Variants in VPS50 observed in about 807,000 individuals in gnomAD.
The protein encoded by VPS50 is VPS50 subunit of EARP/GARPII complex.
In VPS50, 70 loss-of-function variants were observed where a neutral mutation model predicts 139.7. That is an observed-to-expected ratio of 0.50 (90% CI 0.41 to 0.61). The LOEUF is 0.61. Ranked by LOEUF, VPS50 falls within the 20% of genes least tolerant of loss-of-function variation. The pLI is 0.00. For synonymous variants in VPS50, 365 were observed against 376.7 expected, an observed-to-expected ratio of 0.97 and a Z score of 0.36; for missense variants, 921 against 1,133.7, an observed-to-expected ratio of 0.81 and a Z score of 2.69.
rs1330809232 is a variant in VPS50, at chr7:93,232,426, T to A, written c.-42T>A. 6.3e-7 allele frequency: 1 copy of A among 1,577,464 alleles called. No individual in the cohort carries two copies. Among genetic ancestry groups the A allele is most frequent in the Admixed American group, 1.7e-5 (1 of 59,630 alleles). On this transcript the variant is annotated 5_prime_UTR_variant, in exon 1 of 28. Transcript: ENST00000305866. ...AGCTGTGTAGTGGCTCGGTGTGATTTGTTAGCTCTTTGAGGCAGGGTACCC... is the reference window on the plus strand; with the variant it reads ...AGCTGTGTAGTGGCTCGGTGTGATTAGTTAGCTCTTTGAGGCAGGGTACCC...
rs770557312 is a variant in VPS50, at chr7:93,232,417, G to A, written c.-51G>A. The A allele has an allele frequency of 6.6e-7, 1 of 1,504,622 alleles. No individual in the cohort carries two copies. The highest frequency in any genetic ancestry group is 2.3e-5 in the East Asian group (1 of 42,816). The allele number at this position is 1,504,622 out of a possible 1,614,324, so 93.2% of individuals were successfully genotyped here. On this transcript the variant is annotated 5_prime_UTR_variant, in exon 1 of 28. Transcript: ENST00000305866. ...GTCAGGGCCAGCTGTGTAGTGGCTC[G>A]GTGTGATTTGTTAGCTCTTTGAGGC...
intron 11 of VPS50, among the ~76,000 whole-genome samples, chr7:93,274,626 A>G (rs1008978037): frequency 1.3e-5 from 2 of 152,182 alleles, no homozygotes; most frequent in East Asian, 3.8e-4. Flanking sequence ...ATACAAGAAG[A>G]TGAATGTTGT....
intron 25 of VPS50, 133 bp from the exon 26 acceptor site, chr7:93,353,507 G>A (rs1487080937): frequency 1.1e-6 from 1 of 942,954 alleles, no homozygotes; most frequent in African/African-American, 1.7e-5. Context: ...AATTATCTTT[G>A]GCATTATCTT....
At chr7:93,306,951 T>A (rs548083457) in intron 18 of VPS50, among the ~76,000 whole-genome samples, 6 of 152,032 alleles carry the variant, frequency 3.9e-5, no homozygotes, top group African/African-American at 1.4e-4. Flanking sequence ...GATTCAGTGA[T>A]TCTTTGTGAC....
intron 16 of VPS50, among the ~76,000 whole-genome samples, chr7:93,302,513 T>C (rs1797006662): frequency 6.6e-6 from 1 of 152,068 alleles, no homozygotes; most frequent in Non-Finnish European, 1.5e-5. Context: ...TTTGATTCTT[T>C]TATTGTTTTT....
intron 16 of VPS50, among the ~76,000 whole-genome samples, chr7:93,300,824 T>C (rs1030993503): frequency 2.6e-5 from 4 of 151,778 alleles, no homozygotes; most frequent in African/African-American, 9.7e-5. Context: ...AGTAAAAATA[T>C]ATATGATTGA....
At chr7:93,356,872 C>T (rs925624644) in intron 27 of VPS50, among the ~76,000 whole-genome samples, 2 of 152,062 alleles carry the variant, frequency 1.3e-5, no homozygotes, top group African/African-American at 2.4e-5. Context: ...TTTGTATATA[C>T]CTGCTCAGAC....
chr7:93,313,028 A>G (rs776358376), intron 20 of VPS50, among the ~76,000 whole-genome samples: 1 of 152,174 alleles, frequency 6.6e-6, no homozygotes, highest in Non-Finnish European at 1.5e-5. Context: ...CGTGATACGC[A>G]TTGTCTCCTG....
At chr7:93,320,327 T>C (rs1797568750) in intron 20 of VPS50, 1 of 151,808 alleles carries the variant, frequency 6.6e-6, no homozygotes, top group Non-Finnish European at 1.5e-5. Flanking sequence ...CCCGTCTTTT[T>C]TTTTTTTCAG....
chr7:93,299,131 A>C (rs1796900149), intron 16 of VPS50, among the ~76,000 whole-genome samples: 1 of 152,190 alleles, frequency 6.6e-6, no homozygotes, highest in Non-Finnish European at 1.5e-5. Flanking sequence ...AAGGTAGTCT[A>C]GTTTCTATCC....
At chr7:93,314,262 A>G (rs1455621780) in intron 20 of VPS50, among the ~76,000 whole-genome samples, 1 of 152,222 alleles carries the variant, frequency 6.6e-6, no homozygotes, top group Non-Finnish European at 1.5e-5. Flanking sequence ...AAACCATATT[A>G]GAACATTAAA....
At chr7:93,323,538 T>A in intron 20 of VPS50, 73 bp from the exon 21 acceptor site, 1 of 505,816 alleles carries the variant, frequency 2.0e-6, no homozygotes, top group African/African-American at 2.0e-5. Context: ...ATAATTTTAT[T>A]TTCTTTTTAT....
chr7:93,323,057 C>G (rs1797664521), intron 20 of VPS50, among the ~76,000 whole-genome samples: 1 of 152,208 alleles, frequency 6.6e-6, no homozygotes, highest in Non-Finnish European at 1.5e-5. Flanking sequence ...TTCTTGGCCT[C>G]TGACCCAAGA....
At chr7:93,336,394 T>G (rs994250214) in intron 22 of VPS50, among the ~76,000 whole-genome samples, 3 of 152,222 alleles carry the variant, frequency 2.0e-5, no homozygotes, top group Admixed American at 1.3e-4. Context: ...AGAAAAGTTG[T>G]CTAATAGGAA....
chr7:93,263,945 A>G (rs1016680468), intron 9 of VPS50, among the ~76,000 whole-genome samples: 6 of 152,346 alleles, frequency 3.9e-5, no homozygotes, highest in Non-Finnish European at 8.8e-5. Flanking sequence ...GTTTACATAC[A>G]TTTGCATTGT....
intron 6 of VPS50, 151 bp from the exon 7 acceptor site, chr7:93,258,007 TG>T (rs1175380897): frequency 1.8e-6 from 1 of 556,628 alleles, no homozygotes; most frequent in African/African-American, 1.9e-5. Context: ...TGGTTTAGAC[TG>T]GCCATTGAGT....
At chr7:93,356,522 C>G (rs1798711394) in intron 27 of VPS50, among the ~76,000 whole-genome samples, 3 of 152,198 alleles carry the variant, frequency 2.0e-5, no homozygotes, top group South Asian at 2.1e-4. Context: ...ATCCTACACA[C>G]TGACACGTAT....
chr7:93,308,800 T>G (rs1433948587), intron 18 of VPS50, 24 bp from the exon 19 acceptor site: 1 of 1,362,248 alleles, frequency 7.3e-7, no homozygotes, highest in East Asian at 2.3e-5. Context: ...ATACTCATTT[T>G]TTAATAACCT....
intron 25 of VPS50, among the ~76,000 whole-genome samples, chr7:93,351,364 T>A (rs1798553171): frequency 6.7e-6 from 1 of 148,900 alleles, no homozygotes; most frequent in Non-Finnish European, 1.5e-5. Flanking sequence ...ATACCCCTTC[T>A]TTTTTTTTTA....
Sources: gnomAD v4.1 joint callset for allele counts (sites outside exome capture counted in the v4.1 genomes callset) on GRCh38, gnomAD v4.1.1 for gene constraint, MANE v1.5 for transcripts, NCBI Gene and HGNC (gene_info 2026-07-23, HGNC 2026-07-21) for gene names.